Variants in XPNPEP3 observed in about 807,000 individuals in gnomAD.
XPNPEP3 encodes xaa-Pro aminopeptidase 3.
In XPNPEP3, 41 loss-of-function variants were observed where a neutral mutation model predicts 60.0. That is an observed-to-expected ratio of 0.68 (90% CI 0.53 to 0.89). The LOEUF (loss-of-function observed/expected upper bound fraction) is 0.89. XPNPEP3 is among the 40% of genes least tolerant of loss of function. XPNPEP3 has a pLI of 0.00. For synonymous variants in XPNPEP3, 212 were observed against 223.2 expected (o/e 0.95, Z 0.45); for missense variants, 598 against 638.9 (o/e 0.94, Z 0.69).
At chr22:40,881,682 A>G in intron 2 of XPNPEP3, 88 bp from the exon 3 acceptor site, 1 of 1,450,852 alleles carries the variant, frequency 6.9e-7, no homozygotes, top group Admixed American at 1.7e-5. Flanking sequence ...GAACAATTGG[A>G]CTTGAGTATT....
At chr22:40,873,729 C>G (rs1364733198) in intron 2 of XPNPEP3, among the ~76,000 whole-genome samples, 1 of 152,022 alleles carries the variant, frequency 6.6e-6, no homozygotes. Context: ...CCTGGGAAGT[C>G]AAGGCTGCAG....
intron 8 of XPNPEP3, among the ~76,000 whole-genome samples, chr22:40,923,627 G>A (rs1156496996): frequency 2.0e-5 from 3 of 152,098 alleles, no homozygotes; most frequent in South Asian, 4.1e-4. Context: ...TGAGGCAGGC[G>A]GATCACATGA....
chr22:40,924,075 A>C (rs1426147772), intron 8 of XPNPEP3, among the ~76,000 whole-genome samples: 2 of 151,984 alleles, frequency 1.3e-5, no homozygotes, highest in Non-Finnish European at 2.9e-5. Context: ...AAGAAAAGAG[A>C]CTTTCATTTG....
intron 2 of XPNPEP3, among the ~76,000 whole-genome samples, chr22:40,875,291 T>G (rs997561928): frequency 5.9e-5 from 9 of 152,276 alleles, no homozygotes; most frequent in African/African-American, 1.7e-4. Context: ...CACTTCAGTT[T>G]CCCAAGTAGC....
chr22:40,919,459 G>T (rs957501054), intron 7 of XPNPEP3, among the ~76,000 whole-genome samples: 3 of 152,186 alleles, frequency 2.0e-5, no homozygotes, highest in African/African-American at 7.2e-5. Flanking sequence ...GTTGGCTGAG[G>T]CAGAGAGCGA....
intron 2 of XPNPEP3, among the ~76,000 whole-genome samples, chr22:40,878,132 G>A (rs1249834273): frequency 6.6e-6 from 1 of 151,896 alleles, no homozygotes; most frequent in Non-Finnish European, 1.5e-5. Flanking sequence ...CTTGAACCTG[G>A]GAGGCGGAGG....
chr22:40,880,004 G>T (rs1227713870), intron 2 of XPNPEP3, among the ~76,000 whole-genome samples: 1 of 145,798 alleles, frequency 6.9e-6, no homozygotes, highest in Non-Finnish European at 1.5e-5. Flanking sequence ...TCCAGCCTGG[G>T]TGACAGAGCA....
intron 7 of XPNPEP3, among the ~76,000 whole-genome samples, chr22:40,921,847 G>A (rs772605428): frequency 6.6e-6 from 1 of 151,898 alleles, no homozygotes; most frequent in Non-Finnish European, 1.5e-5. Context: ...TTTTTATCTC[G>A]TAATTGCTAA....
chr22:40,895,491 C>A (rs1305122344), intron 4 of XPNPEP3, among the ~76,000 whole-genome samples: 1 of 151,764 alleles, frequency 6.6e-6, no homozygotes, highest in East Asian at 1.9e-4. Context: ...CCCACCAGCA[C>A]GCCCGGCTTA....
intron 2 of XPNPEP3, among the ~76,000 whole-genome samples, chr22:40,875,576 C>T (rs1180172458): frequency 6.6e-6 from 1 of 151,860 alleles, no homozygotes; most frequent in Non-Finnish European, 1.5e-5. Flanking sequence ...GCCATTATAC[C>T]AATAATCTGT....
intron 7 of XPNPEP3, among the ~76,000 whole-genome samples, chr22:40,920,861 C>T (rs1288955817): frequency 3.3e-5 from 5 of 152,072 alleles, no homozygotes; most frequent in Non-Finnish European, 1.5e-5. Context: ...GGCGCAATCT[C>T]GGCTCACCAC....
At chr22:40,891,333 A>G (rs1217223738) in intron 4 of XPNPEP3, among the ~76,000 whole-genome samples, 1 of 150,004 alleles carries the variant, frequency 6.7e-6, no homozygotes, top group Non-Finnish European at 1.5e-5. Context: ...GCACTCTGGC[A>G]TGGGTGACAG....
At chr22:40,883,480 C>T (rs1208347468) in intron 3 of XPNPEP3, among the ~76,000 whole-genome samples, 1 of 152,134 alleles carries the variant, frequency 6.6e-6, no homozygotes, top group Non-Finnish European at 1.5e-5. Flanking sequence ...CTGCCTCAGC[C>T]TCCAGAATAC....
intron 1 of XPNPEP3, chr22:40,862,407 T>C (rs1388789238): frequency 1.9e-5 from 19 of 989,982 alleles, no homozygotes; most frequent in Non-Finnish European, 2.0e-5. Context: ...TTACTGCGCC[T>C]TAATTGCTTC....
At chr22:40,903,930 T>G (rs2058144864) in intron 4 of XPNPEP3, among the ~76,000 whole-genome samples, 1 of 151,692 alleles carries the variant, frequency 6.6e-6, no homozygotes, top group Non-Finnish European at 1.5e-5. Flanking sequence ...TGAAATGGTT[T>G]GTGAAATGCT....
chr22:40,909,304 A>G (rs1443408870), intron 6 of XPNPEP3, 69 bp downstream of exon 6: 6 of 1,173,186 alleles, frequency 5.1e-6, no homozygotes, highest in Admixed American at 1.7e-5. Context: ...TGCTAACCTC[A>G]TGTCCTCTCA....
At chr22:40,873,751 T>G (rs1569017378) in intron 2 of XPNPEP3, among the ~76,000 whole-genome samples, 1 of 151,952 alleles carries the variant, frequency 6.6e-6, no homozygotes. Context: ...CAGCTGAGAT[T>G]GTGCCACTCC....
chr22:40,881,531 T>C (rs965944078), intron 2 of XPNPEP3, among the ~76,000 whole-genome samples: 2 of 151,862 alleles, frequency 1.3e-5, no homozygotes, highest in Non-Finnish European at 2.9e-5. Flanking sequence ...CTGGAAGAGA[T>C]CTAAGGGGTC....
intron 4 of XPNPEP3, among the ~76,000 whole-genome samples, chr22:40,906,216 A>C (rs1289191007): frequency 1.3e-5 from 2 of 152,104 alleles, no homozygotes; most frequent in African/African-American, 4.8e-5. Context: ...GCTGGGTTAC[A>C]GGTGTGAGCC....
Sources: gnomAD v4.1 joint callset for allele counts (sites outside exome capture counted in the v4.1 genomes callset) on GRCh38, gnomAD v4.1.1 for gene constraint, MANE v1.5 for transcripts, NCBI Gene and HGNC (gene_info 2026-07-23, HGNC 2026-07-21) for gene names.